Variants in TOP2B observed in about 807,000 individuals in gnomAD.
TOP2B encodes DNA topoisomerase II beta.
Under a neutral mutation model 193.5 loss-of-function variants are expected in TOP2B, and 51 were observed. That is an observed-to-expected ratio of 0.26 (90% CI 0.21 to 0.33). TOP2B has a LOEUF of 0.33. Ranked by LOEUF, TOP2B falls within the 10% of genes least tolerant of loss-of-function variation. The pLI, the probability that TOP2B is intolerant of heterozygous loss-of-function variation, is 1.00. For synonymous variants in TOP2B, 634 were observed against 635.7 expected (o/e 1.00, Z 0.04); for missense variants, 1,378 against 1,909.3 (o/e 0.72, Z 5.19).
chr3:25,628,716 C>A, intron 15 of TOP2B, 131 bp downstream of exon 15: 1 of 584,130 alleles, frequency 1.7e-6, no homozygotes, highest in East Asian at 3.0e-5. Flanking sequence ...TTTTCTATAA[C>A]AATACTTTAA....
intron 7 of TOP2B, among the ~76,000 whole-genome samples, chr3:25,634,566 G>A (rs1283503285): frequency 6.6e-6 from 1 of 151,954 alleles, no homozygotes; most frequent in Non-Finnish European, 1.5e-5. Flanking sequence ...CTGGAAGAGT[G>A]TATACTAGTT....
chr3:25,612,945 T>A (rs1702414568), intron 27 of TOP2B, among the ~76,000 whole-genome samples: 1 of 152,168 alleles, frequency 6.6e-6, no homozygotes, highest in African/African-American at 2.4e-5. Context: ...GAGGGGGCAA[T>A]AGTGACTAAA....
rs1482661548 is a variant in TOP2B at position 25,606,127 on chromosome 3, T to C, written c.4299-5A>G. 1.4e-6 allele frequency: 2 copies of C among 1,433,350 alleles called. No individual in the cohort carries two copies. The highest frequency in any genetic ancestry group is 2.5e-5 in the East Asian group (1 of 39,746). The allele number at this position is 1,433,350 out of a possible 1,614,324, so 88.8% of individuals were successfully genotyped here. A position where few individuals can be genotyped will look rare whatever the true frequency, so the allele number is the denominator to read the frequency against. ...TTTTTGTCATGCAAAGATTTTCTAT[T>C]AGAAAGAAAATAAACACCACAGAGG... On this transcript the variant is annotated splice_region_variant and splice_polypyrimidine_tract_variant and intron_variant, in intron 31 of 35. Transcript: ENST00000264331.
At chr3:25,615,106 TCA>T (rs1702470640) in intron 27 of TOP2B, 97 bp downstream of exon 27, 5 of 1,038,158 alleles carry the variant, frequency 4.8e-6, no homozygotes, top group African/African-American at 1.6e-5. Flanking sequence ...ATATTAACCT[TCA>T]CAGAGTTAAA....
chr3:25,661,892 T>C (rs563590066), intron 1 of TOP2B, among the ~76,000 whole-genome samples: 7 of 152,278 alleles, frequency 4.6e-5, no homozygotes, highest in African/African-American at 1.4e-4. Context: ...CAGGGGCTAA[T>C]TCTATTTTTA....
intron 33 of TOP2B, 48 bp from the exon 34 acceptor site, chr3:25,601,273 C>T (rs1329370469): frequency 6.3e-7 from 1 of 1,580,542 alleles, no homozygotes; most frequent in Non-Finnish European, 8.6e-7. Context: ...TACCAACAAA[C>T]CAAACTGAAG....
At chr3:25,607,435 ATTATTACT>A in intron 30 of TOP2B, 60 bp from the exon 31 acceptor site, 1 of 1,487,800 alleles carries the variant, frequency 6.7e-7, no homozygotes, top group Non-Finnish European at 9.0e-7. Flanking sequence ...TACATGAATT[ATTATTACT>A]GATAAAGCAT....
intron 19 of TOP2B, 93 bp from the exon 20 acceptor site, chr3:25,624,538 A>C (rs1702745253): frequency 2.6e-6 from 4 of 1,545,254 alleles, no homozygotes; most frequent in Non-Finnish European, 3.5e-6. Flanking sequence ...TGAAGAATAA[A>C]GGCTTTAGAA....
intron 34 of TOP2B, among the ~76,000 whole-genome samples, chr3:25,599,780 C>A (rs1344783853): frequency 6.6e-6 from 1 of 152,160 alleles, no homozygotes; most frequent in African/African-American, 2.4e-5. Flanking sequence ...AATGATGAAT[C>A]CCTTCATACA....
intron 27 of TOP2B, among the ~76,000 whole-genome samples, chr3:25,612,952 TA>T (rs1702414745): frequency 6.6e-6 from 1 of 152,216 alleles, no homozygotes. Context: ...CAATAGTGAC[TA>T]AATGACCTGA....
chr3:25,661,287 C>T (rs1166124931), intron 1 of TOP2B, among the ~76,000 whole-genome samples: 1 of 152,322 alleles, frequency 6.6e-6, no homozygotes, highest in African/African-American at 2.4e-5. Context: ...GCGTGAGCCA[C>T]CGCACCCGGC....
intron 11 of TOP2B, 149 bp from the exon 12 acceptor site, chr3:25,630,618 A>C: frequency 1.2e-6 from 1 of 850,142 alleles, no homozygotes; most frequent in Non-Finnish European, 1.7e-6. Context: ...TATTAAGTAT[A>C]TTTTATTAAA....
At chr3:25,599,571 C>T (rs1702034277) in intron 34 of TOP2B, 42 bp from the exon 35 acceptor site, 1 of 1,551,788 alleles carries the variant, frequency 6.4e-7, no homozygotes, top group Non-Finnish European at 8.8e-7. Context: ...TGGTTAAGTG[C>T]AATATAAAAA....
intron 31 of TOP2B, among the ~76,000 whole-genome samples, chr3:25,606,351 C>T (rs1300922329): frequency 6.6e-6 from 1 of 152,046 alleles, no homozygotes; most frequent in East Asian, 1.9e-4. Context: ...CGTATGCACA[C>T]AGACACCATA....
rs368672759 is a variant in TOP2B at position 25,601,388 on chromosome 3, C to T, written c.4490-163G>A. 9.9e-5 allele frequency among the ~76,000 whole-genome samples: 15 copies of T among 152,182 alleles called. No individual in the cohort carries two copies. In the East Asian group the frequency reaches 2.3e-3, roughly 24 times the overall value. On this transcript the variant is annotated intron_variant, in intron 33 of 35. Transcript: ENST00000264331. ...ATGCCAGCACTCTGGGAGGCCAAGGCGGGGTGGATCACCTGAGGTCAGCAG... is the reference window on the plus strand; with the variant it reads ...ATGCCAGCACTCTGGGAGGCCAAGGTGGGGTGGATCACCTGAGGTCAGCAG...
intron 15 of TOP2B, among the ~76,000 whole-genome samples, chr3:25,628,067 AT>A (rs1471414040): frequency 7.3e-6 from 1 of 137,862 alleles, no homozygotes; most frequent in African/African-American, 2.6e-5. Context: ...AATAAAAACA[AT>A]TAAAAAAAAA....
intron 1 of TOP2B, among the ~76,000 whole-genome samples, chr3:25,660,597 C>A (rs1286774): frequency 1 from 152,325 of 152,348 alleles, 76,151 homozygotes; most frequent in Middle Eastern, 1. Flanking sequence ...AAAAACAAGC[C>A]TAACTTGTGT....
chr3:25,604,716 C>T (rs2125345447), intron 33 of TOP2B, 44 bp downstream of exon 33: 1 of 1,381,588 alleles, frequency 7.2e-7, no homozygotes. Flanking sequence ...TTTACATTAA[C>T]TATCTCTATC....
chr3:25,601,065 A>G (rs1297674255), intron 34 of TOP2B, 35 bp downstream of exon 34: 11 of 1,599,898 alleles, frequency 6.9e-6, no homozygotes, highest in East Asian at 2.2e-5. Flanking sequence ...TCCACACAGC[A>G]TATGTTTAAA....
Sources: allele counts gnomAD v4.1 joint callset (sites outside exome capture counted in the v4.1 genomes callset), GRCh38; gene constraint gnomAD v4.1.1; transcripts MANE v1.5; gene names NCBI Gene and HGNC (gene_info 2026-07-23, HGNC 2026-07-21).